ADRA1A: variants seen among roughly 807,000 people sequenced by gnomAD.
ADRA1A encodes the protein alpha-1A adrenergic receptor.
A neutral mutation model predicts 29.6 loss-of-function variants in ADRA1A; 31 were observed. That is an observed-to-expected ratio of 1.05 (90% CI 0.79 to 1.41). The LOEUF (loss-of-function observed/expected upper bound fraction) is 1.41, where lower values mean the gene tolerates loss of function less well. Ranked by LOEUF, ADRA1A falls within the 40% of genes most tolerant of loss-of-function variation. ADRA1A has a pLI of 0.00. For synonymous variants in ADRA1A, 311 were observed against 254.3 expected, an observed-to-expected ratio of 1.22 and a Z score of -2.12; for missense variants, 619 against 601.1, an observed-to-expected ratio of 1.03 and a Z score of -0.31.
chr8:26,792,931 C>G (rs942140580), intron 2 of ADRA1A, among the ~76,000 whole-genome samples: 3 of 151,352 alleles, frequency 2.0e-5, no homozygotes, highest in African/African-American at 4.8e-5. Flanking sequence ...AAAAATAAAG[C>G]CTCTCACACT....
chr8:26,780,649 C>G (rs957410715), intron 2 of ADRA1A, among the ~76,000 whole-genome samples: 31 of 152,204 alleles, frequency 2.0e-4, no homozygotes, highest in African/African-American at 7.5e-4. Flanking sequence ...GGGCCACAGA[C>G]CAGTACCAGT....
chr8:26,769,771 AAAT>A lies in ADRA1A; in HGVS notation c.*375_*377del. 1 of 999,252 alleles carries A rather than the reference AAAT, an allele frequency of 1.0e-6. No homozygotes were observed. Among genetic ancestry groups the A allele is most frequent in the Non-Finnish European group, 1.2e-6 (1 of 839,610 alleles). 61.9% of individuals were successfully genotyped at this position (999,252 alleles called of 1,614,324 possible). On this transcript the variant is annotated 3_prime_UTR_variant, in exon 3 of 3. Coordinates refer to ENST00000380573, the MANE Select transcript of ADRA1A (RefSeq NM_000680.4). Reference sequence around the variant, plus strand: ...ATAAAATCCCCTCACTTCCATCAAGAAATAGCTCCAAACTTAGAGTGTGTGCTC... The same window carrying A: ...ATAAAATCCCCTCACTTCCATCAAGAAGCTCCAAACTTAGAGTGTGTGCTC...
intron 2 of ADRA1A, among the ~76,000 whole-genome samples, chr8:26,788,781 A>T (rs4548188): frequency 0.34 from 51,249 of 151,850 alleles, 9,972 homozygotes; most frequent in East Asian, 0.84. Flanking sequence ...ACCTGCTAAC[A>T]CCGAATGCGC....
chr8:26,829,318 A>G (rs1810808767), intron 2 of ADRA1A, among the ~76,000 whole-genome samples: 1 of 152,202 alleles, frequency 6.6e-6, no homozygotes, highest in South Asian at 2.1e-4. Flanking sequence ...GGTGGCGTGT[A>G]TAAAACAGAA....
At chr8:26,843,657 T>C (rs779576400) in intron 2 of ADRA1A, among the ~76,000 whole-genome samples, 14 of 152,160 alleles carry the variant, frequency 9.2e-5, no homozygotes, top group Non-Finnish European at 1.3e-4. Context: ...ACTATGGAAT[T>C]AAATGAATAA....
intron 2 of ADRA1A, among the ~76,000 whole-genome samples, chr8:26,783,147 C>T (rs1249496892): frequency 1.3e-5 from 2 of 152,202 alleles, no homozygotes; most frequent in African/African-American, 4.8e-5. Flanking sequence ...AAACATGACA[C>T]TATCCCTCCC....
intron 2 of ADRA1A, among the ~76,000 whole-genome samples, chr8:26,844,036 C>T (rs1812028665): frequency 6.6e-6 from 1 of 152,188 alleles, no homozygotes; most frequent in Non-Finnish European, 1.5e-5. Context: ...ACAGGTCCAC[C>T]ATTCCTTTTC....
At chr8:26,844,703 T>A (rs1812073778) in intron 2 of ADRA1A, among the ~76,000 whole-genome samples, 1 of 152,182 alleles carries the variant, frequency 6.6e-6, no homozygotes, top group Admixed American at 6.5e-5. Flanking sequence ...ATTGGAAGCT[T>A]ACCTCCTATC....
At chr8:26,766,209 G>C, downstream of ADRA1A, 1 of 1,155,262 alleles carries the variant, frequency 8.7e-7, no homozygotes, top group Non-Finnish European at 1.3e-6. Flanking sequence ...TGTCGTATTT[G>C]CTTTCATTTA....
intron 2 of ADRA1A, among the ~76,000 whole-genome samples, chr8:26,789,748 G>T (rs904809344): frequency 4.6e-5 from 7 of 151,978 alleles, no homozygotes; most frequent in Admixed American, 1.3e-4. Flanking sequence ...AATATAAACG[G>T]AATTTAAACT....
chr8:26,803,688 T>C (rs934716110), intron 2 of ADRA1A, among the ~76,000 whole-genome samples: 5 of 152,178 alleles, frequency 3.3e-5, no homozygotes, highest in African/African-American at 1.2e-4. Flanking sequence ...AAAGTACTTG[T>C]ATCCAGAATA....
At chr8:26,789,540 G>A (rs575662662) in intron 2 of ADRA1A, among the ~76,000 whole-genome samples, 15 of 152,152 alleles carry the variant, frequency 9.9e-5, no homozygotes, top group South Asian at 2.1e-4. Context: ...TTAAATGTAA[G>A]ACCAAAAACT....
rs1810150598 is a variant in ADRA1A, at chr8:26,821,236, A to C, written c.883+42851T>G. On this transcript the variant is annotated intron_variant, in intron 2 of 2. Transcript: ENST00000380573. The surrounding 1 kb of genome is among the most constrained non-coding windows in gnomAD (Gnocchi z 5.6). ...GCTATGAAGAAATACCCGAGGCTGG[A>C]TGAGTTATAAAGAAAGAGGTTTAAT... Among the ~76,000 whole-genome samples, 1 of 152,118 alleles carries C rather than the reference A, an allele frequency of 6.6e-6. No homozygotes were observed. Among genetic ancestry groups the C allele is most frequent in the Non-Finnish European group, 1.5e-5 (1 of 68,012 alleles).
At chr8:26,755,097 T>G (rs953330953), downstream of ADRA1A, among the ~76,000 whole-genome samples, 1 of 152,236 alleles carries the variant, frequency 6.6e-6, no homozygotes, top group African/African-American at 2.4e-5. Context: ...TATGATTTGC[T>G]TGTTAAGAAG....
At chr8:26,779,485 G>A (rs976911699) in intron 2 of ADRA1A, 2 of 669,880 alleles carry the variant, frequency 3.0e-6, no homozygotes, top group Non-Finnish European at 5.4e-6. Flanking sequence ...CTATCTGTAA[G>A]AGCAGATGCT....
chr8:26,770,001 T>G lies in ADRA1A; in HGVS notation c.*148A>C, dbSNP rs116455771. ...TCTTCCCTGTGCCCTACCCGCTGCC[T>G]GATGAGTTGGGTCTACCACCCACCC... On this transcript the variant is annotated 3_prime_UTR_variant, in exon 3 of 3. Coordinates refer to ENST00000380573, the MANE Select transcript of ADRA1A (RefSeq NM_000680.4). The G allele has an allele frequency of 1.1e-4, 158 of 1,447,328 alleles. No homozygotes were observed. The African/African-American group carries it at 2.0e-3, about 18-fold the overall frequency. The allele number at this position is 1,447,328 out of a possible 1,614,324, so 89.7% of individuals were successfully genotyped here.
chr8:26,798,621 T>G (rs914316414), intron 2 of ADRA1A, among the ~76,000 whole-genome samples: 8 of 152,186 alleles, frequency 5.3e-5, no homozygotes, highest in African/African-American at 1.4e-4. Flanking sequence ...GTCATTTGAC[T>G]ATCAGGAGTC....
rs141455399 is a variant in ADRA1A, at chr8:26,778,128, G to A, written c.884-7462C>T. ...GGAATTAAAACTTGTCAAATGGTTC[G>A]TCTCACCAGTTAACAAAGCCTAAGA... On this transcript the variant is annotated intron_variant, in intron 2 of 2. Transcript: ENST00000380573. 3.1e-3 allele frequency among the ~76,000 whole-genome samples: 465 copies of A among 152,244 alleles called. 8 individuals are homozygous for A. The highest frequency in any genetic ancestry group is 0.023 in the Admixed American group (355 of 15,292).
chr8:26,768,982 G>T lies in ADRA1A; in HGVS notation c.*1167C>A. The T allele has an allele frequency of 1.0e-6, 1 of 985,412 alleles. No individual in the cohort carries two copies. Among genetic ancestry groups the T allele is most frequent in the Non-Finnish European group, 1.2e-6 (1 of 829,882 alleles). 61.0% of individuals were successfully genotyped at this position (985,412 alleles called of 1,614,324 possible). A position where few individuals can be genotyped will look rare whatever the true frequency, so the allele number is the denominator to read the frequency against. On this transcript the variant is annotated 3_prime_UTR_variant, in exon 3 of 3. Transcript: ENST00000380573. ...TGTTTGCAAACTCCTGCGTTAGACA[G>T]TTCTTTGGTGATCCATCAGTATTGT...
Sources: gnomAD v4.1 joint callset for allele counts (sites outside exome capture counted in the v4.1 genomes callset) on GRCh38, gnomAD v4.1.1 for gene constraint, Gnocchi (gnomAD v3.1) non-coding constraint, MANE v1.5 for transcripts, NCBI Gene and HGNC (gene_info 2026-07-23, HGNC 2026-07-21) for gene names.